The following MLIP variants were observed in gnomAD, a reference collection of about 807,000 sequenced individuals.
MLIP encodes the protein muscular LMNA interacting protein.
MLIP carries 79 observed loss-of-function variants against 84.8 expected under a neutral mutation model. That is an observed-to-expected ratio of 0.93 (90% CI 0.78 to 1.12). The LOEUF is 1.12. Among genes scored for constraint, MLIP ranks in the 50% most tolerant of loss-of-function variants. The pLI is 0.00. For missense variants in MLIP, 1,257 were observed against 1,160.6 expected, an observed-to-expected ratio of 1.08 and a Z score of -1.21; for synonymous variants, 504 against 463.0, an observed-to-expected ratio of 1.09 and a Z score of -1.14.
chr6:54,162,039 G>A (rs1228398691), intron 8 of MLIP, among the ~76,000 whole-genome samples: 1 of 151,892 alleles, frequency 6.6e-6, no homozygotes, highest in Non-Finnish European at 1.5e-5. Flanking sequence ...GGCTTACGGT[G>A]TTAAAAAACC....
intron 12 of MLIP, among the ~76,000 whole-genome samples, chr6:54,232,059 C>T (rs2150808093): frequency 6.6e-6 from 1 of 152,000 alleles, no homozygotes; most frequent in South Asian, 2.1e-4. Flanking sequence ...ATTTTTCTGA[C>T]CTTTGTTTGT....
chr6:54,232,450 A>G (rs560905448), intron 12 of MLIP, among the ~76,000 whole-genome samples: 1 of 152,154 alleles, frequency 6.6e-6, no homozygotes, highest in Non-Finnish European at 1.5e-5. Context: ...AATCCTCATA[A>G]TAGATTTTGT....
rs572322210 is a variant in MLIP, at chr6:54,152,065, A to G, written c.2289+2938A>G. On this transcript the variant is annotated intron_variant, in intron 5 of 13. Coordinates refer to ENST00000502396, the MANE Select transcript of MLIP (RefSeq NM_001281747.2). ...ATCATTTTTCCCCTGTGAACCTTTA[A>G]GAAGGAAGCATTTATAGCTTAAGTC... 2.0e-5 allele frequency among the ~76,000 whole-genome samples: 3 copies of G among 152,248 alleles called. 1 individual carries two copies. The highest frequency in any genetic ancestry group is 4.1e-4 in the South Asian group (2 of 4,828).
intron 4 of MLIP, among the ~76,000 whole-genome samples, chr6:54,147,808 G>A (rs566908991): frequency 2.6e-5 from 4 of 152,116 alleles, no homozygotes; most frequent in African/African-American, 9.7e-5. Context: ...TATCTTGCTA[G>A]TGTGACTTTC....
intron 1 of MLIP, chr6:54,032,419 C>G (rs543702616): frequency 6.6e-6 from 1 of 152,242 alleles, no homozygotes; most frequent in Non-Finnish European, 1.5e-5. Flanking sequence ...TGAGGGGTAG[C>G]TTCTCCTCCA....
At position 54,257,188 on chromosome 6, in the gene MLIP, AT is replaced by A. The variant is rs1046594953; in HGVS notation, c.2923-119del. On this transcript the variant is annotated intron_variant, in intron 12 of 13. Coordinates refer to ENST00000502396, the MANE Select transcript of MLIP (RefSeq NM_001281747.2). ...AATCTTAGTGTTTATACTTGGTAGA[AT>A]CCACTGTTATCTGCAATAAAATATT... 1.1e-4 allele frequency: 78 copies of A among 692,292 alleles called. 1 individual carries two copies. The African/African-American group carries it at 1.2e-3, about 10-fold the overall frequency. The allele number at this position is 692,292 out of a possible 1,614,324, so 42.9% of individuals were successfully genotyped here.
rs1032317237 is a variant in MLIP at position 54,266,097 on chromosome 6, A to G, written c.*142A>G. 3 of 762,660 alleles carry G rather than the reference A, an allele frequency of 3.9e-6. No individual in the cohort carries two copies. The Admixed American group carries it at 7.9e-5, about 20-fold the overall frequency. The allele number at this position is 762,660 out of a possible 1,614,324, so 47.2% of individuals were successfully genotyped here. On this transcript the variant is annotated 3_prime_UTR_variant, in exon 14 of 14. Transcript: ENST00000502396. ...TGCAGTGCAGCAGAACCAAAAAAAAAGTTTGCTGCAATTATATAGCATCAC... is the reference window on the plus strand; with the variant it reads ...TGCAGTGCAGCAGAACCAAAAAAAAGGTTTGCTGCAATTATATAGCATCAC...
At chr6:54,174,948 G>A (rs1776135827) in intron 9 of MLIP, among the ~76,000 whole-genome samples, 1 of 151,908 alleles carries the variant, frequency 6.6e-6, no homozygotes, top group Non-Finnish European at 1.5e-5. Context: ...AGGGGGTCTA[G>A]TTTTATTCTT....
At chr6:54,240,064 T>C (rs1186768586) in intron 12 of MLIP, among the ~76,000 whole-genome samples, 3 of 152,222 alleles carry the variant, frequency 2.0e-5, no homozygotes, top group East Asian at 1.9e-4. Context: ...CAATGAATTG[T>C]TGTATGCCTA....
Position 54,068,953 on chromosome 6 carries a change from G to A in MLIP, c.63+49862G>A, listed in dbSNP as rs533955595. On this transcript the variant is annotated intron_variant, in intron 1 of 12. Transcript: ENST00000274897. ...GTGCTCTAATTCATTGTCAGGTGGT[G>A]TAGCTATGAAATGTCAACTCTGAGA... Among the ~76,000 whole-genome samples the A allele has an allele frequency of 7.7e-4, 78 of 100,954 alleles. 10 individuals are homozygous for A. The highest frequency in any genetic ancestry group is 1.9e-3 in the African/African-American group (75 of 39,384). The allele number at this position is 100,954 out of a possible 152,430, so 66.2% of individuals were successfully genotyped here. A position where few individuals can be genotyped will look rare whatever the true frequency, so the allele number is the denominator to read the frequency against.
chr6:54,096,063 T>C (rs1165716620), intron 1 of MLIP, among the ~76,000 whole-genome samples: 1 of 152,134 alleles, frequency 6.6e-6, no homozygotes, highest in Non-Finnish European at 1.5e-5. Flanking sequence ...GCAAAGTAAA[T>C]ACCAATTCCA....
intron 4 of MLIP, among the ~76,000 whole-genome samples, chr6:54,148,005 A>G (rs1773039630): frequency 6.6e-6 from 1 of 152,198 alleles, no homozygotes; most frequent in South Asian, 2.1e-4. Flanking sequence ...TAAGGAAAAT[A>G]AATGTGCTAG....
At chr6:54,220,732 C>A (rs776799882) in intron 11 of MLIP, among the ~76,000 whole-genome samples, 9 of 151,298 alleles carry the variant, frequency 5.9e-5, no homozygotes, top group Non-Finnish European at 8.9e-5. Flanking sequence ...CAGAAAGTGA[C>A]ATTTTGGATT....
At chr6:54,058,852 C>G (rs905329713) in intron 1 of MLIP, 17 of 151,936 alleles carry the variant, frequency 1.1e-4, no homozygotes, top group African/African-American at 3.9e-4. Flanking sequence ...AACCAAATAT[C>G]TAGAGGAAGA....
upstream of MLIP, among the ~76,000 whole-genome samples, chr6:54,110,654 A>T (rs1769384335): frequency 6.6e-6 from 1 of 152,222 alleles, no homozygotes; most frequent in Middle Eastern, 3.2e-3. Context: ...ATAGCCTTTG[A>T]TCTATATCTA....
At chr6:54,056,179 C>T (rs1392347573) in intron 1 of MLIP, among the ~76,000 whole-genome samples, 3 of 152,126 alleles carry the variant, frequency 2.0e-5, no homozygotes, top group Non-Finnish European at 4.4e-5. Context: ...ATTATTTGAA[C>T]TAAAACTCAT....
At chr6:54,228,032 A>C (rs937095280) in intron 11 of MLIP, among the ~76,000 whole-genome samples, 1 of 151,810 alleles carries the variant, frequency 6.6e-6, no homozygotes, top group Non-Finnish European at 1.5e-5. Flanking sequence ...AAATACAAAA[A>C]ATTAGCCGGG....
At chr6:54,199,775 C>G (rs577428190) in intron 10 of MLIP, among the ~76,000 whole-genome samples, 1 of 152,192 alleles carries the variant, frequency 6.6e-6, no homozygotes, top group East Asian at 1.9e-4. Context: ...GAAGTATTGA[C>G]TACTGGGTAA....
Position 54,194,986 on chromosome 6 carries a change from G to C in MLIP, c.2589+5072G>C, listed in dbSNP as rs564753604. ...ATGTTTGTTTAAAACAAGAATTAGG[G>C]TCTATAAATCTGTATTATCTGAATG... On this transcript the variant is annotated intron_variant, in intron 10 of 13. Coordinates refer to ENST00000502396, the MANE Select transcript of MLIP (RefSeq NM_001281747.2). Among the ~76,000 whole-genome samples the C allele has an allele frequency of 3.9e-5, 6 of 152,028 alleles. No homozygotes were observed. The East Asian group carries it at 1.2e-3, about 29-fold the overall frequency.
Sources: allele counts gnomAD v4.1 joint callset (sites outside exome capture counted in the v4.1 genomes callset), GRCh38; gene constraint gnomAD v4.1.1; transcripts MANE v1.5; gene names NCBI Gene and HGNC (gene_info 2026-07-23, HGNC 2026-07-21).